Variants in PTPN4 observed in about 807,000 individuals in gnomAD.
PTPN4 encodes the protein tyrosine-protein phosphatase non-receptor type 4.
PTPN4 carries 49 observed loss-of-function variants against 135.5 expected under a neutral mutation model. That is an observed-to-expected ratio of 0.36 (90% CI 0.29 to 0.46). The LOEUF (loss-of-function observed/expected upper bound fraction) is 0.46. PTPN4 is among the 20% of genes least tolerant of loss of function. The pLI is 1.00. For synonymous variants in PTPN4, 333 were observed against 369.9 expected (o/e 0.90, Z 1.14); for missense variants, 860 against 1,101.0 (o/e 0.78, Z 3.10).
intron 13 of PTPN4, among the ~76,000 whole-genome samples, chr2:119,927,116 T>TA (rs1044067275): frequency 3.4e-5 from 5 of 147,894 alleles, no homozygotes; most frequent in African/African-American, 1.2e-4. Context: ...CAATTTGCTT[T>TA]TTTTTTTTTT....
intron 9 of PTPN4, among the ~76,000 whole-genome samples, chr2:119,886,412 C>T (rs532600197): frequency 6.6e-6 from 1 of 152,250 alleles, no homozygotes; most frequent in South Asian, 2.1e-4. Context: ...GACTTCTTTT[C>T]CCTTGTGTCA....
At chr2:119,847,275 T>TATACACAC (rs1553451350) in intron 2 of PTPN4, among the ~76,000 whole-genome samples, 5 of 107,528 alleles carry the variant, frequency 4.6e-5, no homozygotes, top group African/African-American at 1.9e-4. Context: ...ATACTCTATA[T>TATACACAC]ACACACACAC....
chr2:119,935,068 C>T lies in PTPN4; in HGVS notation c.1355+110C>T. 5 of 1,284,702 alleles carry T rather than the reference C, an allele frequency of 3.9e-6. No individual in the cohort carries two copies. In the South Asian group the frequency reaches 5.9e-5, roughly 15 times the overall value. 79.6% of individuals were successfully genotyped at this position (1,284,702 alleles called of 1,614,324 possible). ...TCGATACAAGATTTTAATTATGCAACTTTTCAAAATGTGTATGTTTGCAAT... is the reference window on the plus strand; with the variant it reads ...TCGATACAAGATTTTAATTATGCAATTTTTCAAAATGTGTATGTTTGCAAT... On this transcript the variant is annotated intron_variant, in intron 15 of 26. Transcript: ENST00000263708.
rs59953430 is a variant in PTPN4, at chr2:119,760,733, CTTTTTTTTTTT to C, written c.-18+361_-18+371del. 1.3e-3 allele frequency among the ~76,000 whole-genome samples: 107 copies of C among 79,918 alleles called. 2 individuals are homozygous for C. The highest frequency in any genetic ancestry group is 4.7e-3 in the African/African-American group (92 of 19,736). 52.4% of individuals were successfully genotyped at this position (79,918 alleles called of 152,430 possible). On this transcript the variant is annotated intron_variant, in intron 1 of 26. Transcript: ENST00000263708. ...GAGTTTTCCATTGCTGGTAGAATTC[CTTTTTTTTTTT>C]TTTTTTTTTTTGGCTCATATGAGCG...
At chr2:119,810,798 ATTTAC>A (rs1488204831) in intron 2 of PTPN4, among the ~76,000 whole-genome samples, 3 of 152,114 alleles carry the variant, frequency 2.0e-5, no homozygotes, top group African/African-American at 7.2e-5. Flanking sequence ...CATTTTGCAC[ATTTAC>A]TTTATGTTTC....
intron 5 of PTPN4, chr2:119,879,943 T>A (rs1007210451): frequency 2.7e-5 from 4 of 150,254 alleles, no homozygotes; most frequent in Non-Finnish European, 4.4e-5. Flanking sequence ...TAATACTAAA[T>A]TAATTTTTAA....
intron 9 of PTPN4, among the ~76,000 whole-genome samples, chr2:119,900,173 G>A (rs1375293513): frequency 6.6e-6 from 1 of 151,848 alleles, no homozygotes; most frequent in Non-Finnish European, 1.5e-5. Flanking sequence ...GTTATTCTCC[G>A]GGGTCTTCTA....
chr2:119,973,140 A>G (rs775054120), intron 26 of PTPN4, among the ~76,000 whole-genome samples: 1 of 151,948 alleles, frequency 6.6e-6, no homozygotes. Context: ...CCAAAACTCT[A>G]TATCCATTAA....
At chr2:119,897,263 A>G (rs569956172) in intron 9 of PTPN4, among the ~76,000 whole-genome samples, 4 of 152,180 alleles carry the variant, frequency 2.6e-5, no homozygotes, top group African/African-American at 7.2e-5. Flanking sequence ...ATCTTGGTCT[A>G]GCTTTGATAG....
intron 23 of PTPN4, among the ~76,000 whole-genome samples, chr2:119,961,862 G>T (rs1679370952): frequency 6.6e-6 from 1 of 152,148 alleles, no homozygotes; most frequent in Admixed American, 6.5e-5. Context: ...GTAGATCAGT[G>T]GTGGTCTAGA....
intron 12 of PTPN4, among the ~76,000 whole-genome samples, chr2:119,920,659 C>A (rs1444412809): frequency 6.6e-6 from 1 of 152,144 alleles, no homozygotes; most frequent in African/African-American, 2.4e-5. Flanking sequence ...GGTTGTCAAA[C>A]CCTTTATTGT....
intron 18 of PTPN4, among the ~76,000 whole-genome samples, chr2:119,947,762 CCACACACACA>C (rs3084728): frequency 2.2e-4 from 33 of 147,240 alleles, no homozygotes; most frequent in African/African-American, 7.5e-4. Flanking sequence ...AACACCACTA[CCACACACACA>C]CACACACACA....
chr2:119,766,479 T>C (rs1308257737), intron 1 of PTPN4, among the ~76,000 whole-genome samples: 1 of 122,340 alleles, frequency 8.2e-6, no homozygotes, highest in African/African-American at 4.0e-5. Flanking sequence ...TGTGTGTGTG[T>C]GTGTCTGTGT....
intron 2 of PTPN4, among the ~76,000 whole-genome samples, chr2:119,813,829 A>T (rs182758252): frequency 0.01 from 1,453 of 141,492 alleles, 10 homozygotes; most frequent in Middle Eastern, 0.018. Context: ...CTCATCACTT[A>T]CTGTACCCAT....
At chr2:119,812,433 T>C (rs1350354706) in intron 2 of PTPN4, among the ~76,000 whole-genome samples, 2 of 152,214 alleles carry the variant, frequency 1.3e-5, no homozygotes, top group African/African-American at 4.8e-5. Flanking sequence ...GGTAAAATAT[T>C]CATGTTGCCA....
chr2:119,979,379 A>G lies in PTPN4; in HGVS notation c.*2309A>G, dbSNP rs1258076644. 6.6e-6 allele frequency: 1 copy of G among 152,144 alleles called. No individual in the cohort carries two copies. Among genetic ancestry groups the G allele is most frequent in the East Asian group, 1.9e-4 (1 of 5,204 alleles). 9.4% of individuals were successfully genotyped at this position (152,144 alleles called of 1,614,324 possible). A position where few individuals can be genotyped will look rare whatever the true frequency, so the allele number is the denominator to read the frequency against. ...ATGAGCACTGCTGCCTTTTTAAATCATCAATGCCTGTCTTTAAATGCCAAT... is the reference window on the plus strand; with the variant it reads ...ATGAGCACTGCTGCCTTTTTAAATCGTCAATGCCTGTCTTTAAATGCCAAT... On this transcript the variant is annotated 3_prime_UTR_variant, in exon 27 of 27. Coordinates refer to ENST00000263708, the MANE Select transcript of PTPN4 (RefSeq NM_002830.4).
chr2:119,840,419 T>G (rs1325152572), intron 2 of PTPN4, among the ~76,000 whole-genome samples: 1 of 152,246 alleles, frequency 6.6e-6, no homozygotes, highest in Non-Finnish European at 1.5e-5. Flanking sequence ...GCTCCATTCA[T>G]GTCCTTGCAA....
intron 15 of PTPN4, among the ~76,000 whole-genome samples, chr2:119,935,555 G>T (rs1678970205): frequency 6.6e-6 from 1 of 152,110 alleles, no homozygotes; most frequent in African/African-American, 2.4e-5. Flanking sequence ...AAACAAGTAG[G>T]AGTTCAGCCT....
chr2:119,790,181 A>G (rs1347306604), intron 1 of PTPN4, among the ~76,000 whole-genome samples: 2 of 152,006 alleles, frequency 1.3e-5, no homozygotes, highest in Middle Eastern at 3.4e-3. Flanking sequence ...TAGATTCTAT[A>G]TATTTTTTTT....
Sources: gnomAD v4.1 joint callset for allele counts (sites outside exome capture counted in the v4.1 genomes callset) on GRCh38, gnomAD v4.1.1 for gene constraint, MANE v1.5 for transcripts, NCBI Gene and HGNC (gene_info 2026-07-23, HGNC 2026-07-21) for gene names.